Variants in NFKB1 observed in about 807,000 individuals in gnomAD.
NFKB1 encodes the protein nuclear factor NF-kappa-B p105 subunit.
In NFKB1, 9 loss-of-function variants were observed where a neutral mutation model predicts 105.1. That is an observed-to-expected ratio of 0.09 (90% confidence interval 0.05 to 0.15). The LOEUF is 0.15. Ranked by LOEUF, NFKB1 falls within the 10% of genes least tolerant of loss-of-function variation. The probability of loss-of-function intolerance (pLI) is 1.00; values close to 1 mark genes in which losing one functional copy is unlikely to be tolerated. For synonymous variants in NFKB1, 440 were observed against 442.2 expected (o/e 1.00, Z 0.06); for missense variants, 830 against 1,203.7 (o/e 0.69, Z 4.59).
At chr4:102,528,161 T>C (rs1029328838) in intron 2 of NFKB1, among the ~76,000 whole-genome samples, 1 of 152,084 alleles carries the variant, frequency 6.6e-6, no homozygotes, top group Non-Finnish European at 1.5e-5. Context: ...GAAGAGTATA[T>C]CTCTCTCCTA....
chr4:102,503,826 T>C (rs1395829660), intron 1 of NFKB1, among the ~76,000 whole-genome samples: 1 of 152,200 alleles, frequency 6.6e-6, no homozygotes, highest in Non-Finnish European at 1.5e-5. Flanking sequence ...TGGAAACAAA[T>C]TGAAGTAGTT....
intron 1 of NFKB1, among the ~76,000 whole-genome samples, chr4:102,520,224 C>G (rs1740475649): frequency 6.6e-6 from 1 of 152,212 alleles, no homozygotes; most frequent in Admixed American, 6.5e-5. Flanking sequence ...AGGGAATTGT[C>G]AGCGTACCCA....
In NFKB1 at chr4:102,616,469, G is replaced by A. The variant is rs913373928; in HGVS notation, c.2785G>A (p.Gly929Ser). 1.2e-6 allele frequency: 2 copies of A among 1,614,040 alleles called. No homozygotes were observed. Among genetic ancestry groups the A allele is most frequent in the Non-Finnish European group, 1.7e-6 (2 of 1,180,002 alleles). The change falls in exon 24 of 24, where the codon GGC becomes AGC. Residue 929 changes from glycine (G) to serine (S), a missense_variant. Transcript: ENST00000226574. ...AGACAGTGACAGTGTCTGCGACAGC[G>A]GCGTGGAGACATCCTTCCGCAAACT... Reference protein sequence around the residue: ...LRDSDSVCDSGVETSFRKLSF... With the variant: ...LRDSDSVCDSSVETSFRKLSF...
chr4:102,589,103 ACTAG>A (rs1725961254), intron 11 of NFKB1, among the ~76,000 whole-genome samples: 1 of 152,182 alleles, frequency 6.6e-6, no homozygotes, highest in African/African-American at 2.4e-5. Context: ...TTGGAATCTT[ACTAG>A]CTGTGTTATA....
At chr4:102,570,224 C>T (rs1724216338) in intron 6 of NFKB1, among the ~76,000 whole-genome samples, 2 of 152,020 alleles carry the variant, frequency 1.3e-5, no homozygotes, top group Non-Finnish European at 2.9e-5. Flanking sequence ...AGAGGAGAAA[C>T]AAGGCCTTCT....
At chr4:102,517,619 A>C (rs1463670186) in intron 1 of NFKB1, among the ~76,000 whole-genome samples, 1 of 152,220 alleles carries the variant, frequency 6.6e-6, no homozygotes, top group African/African-American at 2.4e-5. Context: ...CTAGTGTTAA[A>C]TCACCAGTAT....
At chr4:102,610,790 C>T in intron 20 of NFKB1, 91 bp downstream of exon 20, 1 of 1,436,220 alleles carries the variant, frequency 7.0e-7, no homozygotes, top group Non-Finnish European at 9.4e-7. Context: ...GTGCTTTATT[C>T]CCCAAAGAAC....
intron 2 of NFKB1, among the ~76,000 whole-genome samples, chr4:102,527,597 C>A (rs954401849): frequency 6.6e-6 from 1 of 152,178 alleles, no homozygotes; most frequent in African/African-American, 2.4e-5. Context: ...GAAAGAATGA[C>A]TGCATTGCTT....
chr4:102,510,034 C>T (rs1180139676), intron 1 of NFKB1, among the ~76,000 whole-genome samples: 1 of 152,154 alleles, frequency 6.6e-6, no homozygotes, highest in Non-Finnish European at 1.5e-5. Flanking sequence ...GTTTCCTATC[C>T]ACAGTTTCTG....
chr4:102,544,955 G>C (rs542419015), intron 5 of NFKB1, among the ~76,000 whole-genome samples: 119 of 152,060 alleles, frequency 7.8e-4, no homozygotes, highest in African/African-American at 2.7e-3. Flanking sequence ...TTATTTCTGG[G>C]ACCACTGTTC....
intron 5 of NFKB1, among the ~76,000 whole-genome samples, chr4:102,539,236 C>A (rs76514472): frequency 6.9e-3 from 652 of 95,034 alleles, no homozygotes; most frequent in East Asian, 0.015. Context: ...GACTCTGTCT[C>A]AAAAAAAAAA....
At chr4:102,546,055 G>A (rs1037711775) in intron 5 of NFKB1, among the ~76,000 whole-genome samples, 1 of 151,962 alleles carries the variant, frequency 6.6e-6, no homozygotes, top group Non-Finnish European at 1.5e-5. Context: ...GGATTTTGAG[G>A]CCAGCATGGG....
rs1343481667 is a variant in NFKB1 at position 102,539,935 on chromosome 4, G to A, written c.258+1979G>A. ...ATAACTCTTGAAAACAAGGGAGAGAGAGGCTCACTGGTCAATGGGTACTCA... is the reference window on the plus strand; with the variant it reads ...ATAACTCTTGAAAACAAGGGAGAGAAAGGCTCACTGGTCAATGGGTACTCA... On this transcript the variant is annotated intron_variant, in intron 5 of 23. Transcript: ENST00000226574. 3.3e-5 allele frequency among the ~76,000 whole-genome samples: 5 copies of A among 152,254 alleles called. No individual in the cohort carries two copies. In the South Asian group the frequency reaches 8.3e-4, roughly 25 times the overall value.
chr4:102,560,809 C>T (rs896914360), intron 5 of NFKB1, among the ~76,000 whole-genome samples: 2 of 152,230 alleles, frequency 1.3e-5, no homozygotes, highest in South Asian at 2.1e-4. Context: ...CAGGGACTTT[C>T]GGAGGCCCAA....
intron 5 of NFKB1, among the ~76,000 whole-genome samples, chr4:102,542,960 T>C (rs948296638): frequency 3.3e-5 from 5 of 152,224 alleles, no homozygotes; most frequent in Admixed American, 2.0e-4. Context: ...AAATTTCCCA[T>C]CATTAAACAT....
intron 1 of NFKB1, among the ~76,000 whole-genome samples, chr4:102,521,579 A>G (rs1013580007): frequency 6.6e-6 from 1 of 152,212 alleles, no homozygotes; most frequent in Non-Finnish European, 1.5e-5. Context: ...AATCCTATAG[A>G]AAGAATACAT....
intron 5 of NFKB1, among the ~76,000 whole-genome samples, chr4:102,551,969 A>G (rs1722655096): frequency 6.6e-6 from 1 of 152,226 alleles, no homozygotes; most frequent in Admixed American, 6.5e-5. Context: ...AAAGAGATCT[A>G]GGAGTTTTAG....
At chr4:102,544,276 TC>T (rs1489308790) in intron 5 of NFKB1, among the ~76,000 whole-genome samples, 1 of 152,190 alleles carries the variant, frequency 6.6e-6, no homozygotes, top group African/African-American at 2.4e-5. Flanking sequence ...TAAGATTTTT[TC>T]TTTTTTTATT....
chr4:102,583,195 AG>A (rs981527995), intron 10 of NFKB1, among the ~76,000 whole-genome samples: 3 of 152,112 alleles, frequency 2.0e-5, no homozygotes, highest in Admixed American at 6.6e-5. Context: ...CATCTTGCTC[AG>A]GCTCGTCTTG....
Sources: gnomAD v4.1 joint callset for allele counts (sites outside exome capture counted in the v4.1 genomes callset) on GRCh38, gnomAD v4.1.1 for gene constraint, MANE v1.5 for transcripts, NCBI Gene and HGNC (gene_info 2026-07-23, HGNC 2026-07-21) for gene names.